CAMK4: variants seen among roughly 807,000 people sequenced by gnomAD.
CAMK4 encodes the protein calcium/calmodulin dependent protein kinase IV.
CAMK4 carries 22 observed loss-of-function variants against 44.9 expected under a neutral mutation model. The ratio of observed to expected loss-of-function variants is 0.49; its 90% CI spans 0.35 to 0.70. The LOEUF is 0.70. Ranked by LOEUF, CAMK4 falls within the 30% of genes least tolerant of loss-of-function variation. CAMK4 has a pLI of 0.01. For missense variants in CAMK4, 498 were observed against 586.8 expected, an observed-to-expected ratio of 0.85 and a Z score of 1.56; for synonymous variants, 218 against 215.4, an observed-to-expected ratio of 1.01 and a Z score of -0.11.
At chr5:111,375,806 C>T (rs1336916922) in intron 3 of CAMK4, among the ~76,000 whole-genome samples, 1 of 152,148 alleles carries the variant, frequency 6.6e-6, no homozygotes, top group Non-Finnish European at 1.5e-5. Flanking sequence ...GACTTTCATC[C>T]TCATGCTTTT....
intron 5 of CAMK4, among the ~76,000 whole-genome samples, chr5:111,398,991 C>T (rs999400319): frequency 6.6e-6 from 1 of 152,194 alleles, no homozygotes; most frequent in African/African-American, 2.4e-5. Flanking sequence ...CCTACTTCCA[C>T]TCCATTCCCC....
chr5:111,319,789 G>C (rs536785354), intron 1 of CAMK4, among the ~76,000 whole-genome samples: 7 of 152,148 alleles, frequency 4.6e-5, no homozygotes, highest in Admixed American at 4.6e-4. Flanking sequence ...ACATTTCTAG[G>C]CTTTGTTTTC....
At chr5:111,296,135 C>G (rs1214779302) in intron 1 of CAMK4, among the ~76,000 whole-genome samples, 1 of 152,204 alleles carries the variant, frequency 6.6e-6, no homozygotes, top group Non-Finnish European at 1.5e-5. Flanking sequence ...TTTTATCACC[C>G]TCTCAGTATC....
intron 5 of CAMK4, among the ~76,000 whole-genome samples, chr5:111,409,761 T>C (rs1254865633): frequency 6.6e-6 from 1 of 152,194 alleles, no homozygotes; most frequent in Admixed American, 6.5e-5. Context: ...AAGTTCAAGG[T>C]TCCACATATC....
chr5:111,313,805 A>G lies in CAMK4; in HGVS notation c.162-30219A>G, dbSNP rs1748308806. On this transcript the variant is annotated intron_variant, in intron 1 of 10. Transcript: ENST00000282356. ...TCAACAGAATACCCAGAATACAGAC[A>G]TAGCTACTTGCTGCTTACATATCTT... Among the ~76,000 whole-genome samples the G allele has an allele frequency of 1.3e-5, 2 of 152,178 alleles. 1 individual carries two copies. The highest frequency in any genetic ancestry group is 4.1e-4 in the South Asian group (2 of 4,832).
intron 1 of CAMK4, among the ~76,000 whole-genome samples, chr5:111,320,660 C>A (rs557168699): frequency 2.6e-5 from 4 of 152,182 alleles, no homozygotes; most frequent in Non-Finnish European, 5.9e-5. Context: ...GCATGCACCA[C>A]CATGCCCAAC....
intron 5 of CAMK4, among the ~76,000 whole-genome samples, chr5:111,420,864 C>T (rs2112916754): frequency 6.6e-6 from 1 of 152,152 alleles, no homozygotes; most frequent in East Asian, 1.9e-4. Flanking sequence ...TTTCAAGGTG[C>T]CCAGATTTCA....
intron 4 of CAMK4, among the ~76,000 whole-genome samples, chr5:111,377,334 A>T (rs1751251300): frequency 6.6e-6 from 1 of 152,108 alleles, no homozygotes; most frequent in Admixed American, 6.6e-5. Context: ...CTCTGTTATG[A>T]TCCAAAAGCT....
chr5:111,317,528 T>A lies in CAMK4; in HGVS notation c.162-26496T>A, dbSNP rs1228236897. Among the ~76,000 whole-genome samples, 3 of 152,186 alleles carry A rather than the reference T, an allele frequency of 2.0e-5. No homozygotes were observed. The South Asian group carries it at 6.2e-4, about 32-fold the overall frequency. On this transcript the variant is annotated intron_variant, in intron 1 of 10. Coordinates refer to ENST00000282356, the MANE Select transcript of CAMK4 (RefSeq NM_001744.6). The stretch of plus-strand genomic sequence containing the variant: ...ATAAATAAAGTGCCTCAGCCAATAA[T>A]TGTAACACAAACTTCTATTTTTAAC...
Position 111,489,228 on chromosome 5 carries a change from A to T in CAMK4, c.*4762A>T, listed in dbSNP as rs1346393602. 1 of 152,148 alleles carries T rather than the reference A, an allele frequency of 6.6e-6. No individual in the cohort carries two copies. The highest frequency in any genetic ancestry group is 1.5e-5 in the Non-Finnish European group (1 of 68,020). The allele number at this position is 152,148 out of a possible 1,614,324, so 9.4% of individuals were successfully genotyped here. On this transcript the variant is annotated 3_prime_UTR_variant, in exon 11 of 11. Coordinates refer to ENST00000282356, the MANE Select transcript of CAMK4 (RefSeq NM_001744.6). The stretch of plus-strand genomic sequence containing the variant: ...TATTCCCCTGACACACTCAGGGTGA[A>T]TTTTTGTCTCCTTGGCAAATAAGAA...
At position 111,446,660 on chromosome 5, in the gene CAMK4, G is replaced by A. The variant is rs374625487; in HGVS notation, c.460-26G>A. On this transcript the variant is annotated intron_variant, in intron 5 of 10. Coordinates refer to ENST00000282356, the MANE Select transcript of CAMK4 (RefSeq NM_001744.6). ...GAACCATAAATAGCATTACACAAAT[G>A]TTATTTCATTATTTTCCCTCTTTAG... 6.0e-5 allele frequency: 72 copies of A among 1,197,014 alleles called. No homozygotes were observed. The African/African-American group carries it at 8.7e-4, about 14-fold the overall frequency. 74.1% of individuals were successfully genotyped at this position (1,197,014 alleles called of 1,614,324 possible). A position where few individuals can be genotyped will look rare whatever the true frequency, so the allele number is the denominator to read the frequency against.
intron 1 of CAMK4, among the ~76,000 whole-genome samples, chr5:111,281,307 T>C (rs1751006446): frequency 6.6e-6 from 1 of 152,212 alleles, no homozygotes; most frequent in Non-Finnish European, 1.5e-5. Context: ...GCCAGTGATT[T>C]TGCACTCCTG....
At chr5:111,444,794 C>T (rs1432363187) in intron 5 of CAMK4, among the ~76,000 whole-genome samples, 1 of 152,030 alleles carries the variant, frequency 6.6e-6, no homozygotes, top group Non-Finnish European at 1.5e-5. Flanking sequence ...TTCTCTTAAA[C>T]CAACAGAAAC....
At chr5:111,443,495 C>T (rs1269375117) in intron 5 of CAMK4, among the ~76,000 whole-genome samples, 1 of 151,218 alleles carries the variant, frequency 6.6e-6, no homozygotes, top group Non-Finnish European at 1.5e-5. Context: ...TGTTTTAAAG[C>T]TTGTTCCTTT....
chr5:111,483,519 A>G (rs938713088), intron 10 of CAMK4, among the ~76,000 whole-genome samples: 7 of 152,228 alleles, frequency 4.6e-5, no homozygotes, highest in African/African-American at 1.2e-4. Context: ...TTAGGGTCCT[A>G]TGCAGCCATT....
intron 5 of CAMK4, among the ~76,000 whole-genome samples, chr5:111,415,479 T>A (rs1388848728): frequency 6.6e-6 from 1 of 152,214 alleles, no homozygotes; most frequent in Non-Finnish European, 1.5e-5. Context: ...TGATCATTAT[T>A]GACTTAATAA....
intron 1 of CAMK4, among the ~76,000 whole-genome samples, chr5:111,228,192 C>A (rs2112488788): frequency 6.6e-6 from 1 of 152,214 alleles, no homozygotes; most frequent in East Asian, 1.9e-4. Context: ...CATACAAATC[C>A]AAGGAAACCA....
At chr5:111,362,111 T>G (rs911371926) in intron 2 of CAMK4, among the ~76,000 whole-genome samples, 17 of 152,020 alleles carry the variant, frequency 1.1e-4, no homozygotes, top group Non-Finnish European at 1.9e-4. Context: ...ACTAGGAAAT[T>G]TCACACATAC....
chr5:111,277,838 T>C (rs1580520859), intron 1 of CAMK4, among the ~76,000 whole-genome samples: 2 of 152,132 alleles, frequency 1.3e-5, no homozygotes, highest in South Asian at 4.1e-4. Context: ...ATGGTGAGAA[T>C]CTAGGATGTG....
Sources: gnomAD v4.1 joint callset for allele counts (sites outside exome capture counted in the v4.1 genomes callset) on GRCh38, gnomAD v4.1.1 for gene constraint, MANE v1.5 for transcripts, NCBI Gene and HGNC (gene_info 2026-07-23, HGNC 2026-07-21) for gene names.